RPS6KC1: variants seen among roughly 807,000 people sequenced by gnomAD.
RPS6KC1 encodes the protein inactive ribosomal protein S6 kinase delta-1.
In RPS6KC1, 54 loss-of-function variants were observed where a neutral mutation model predicts 103.8. That is an observed-to-expected ratio of 0.52 (90% CI 0.42 to 0.65). The LOEUF (loss-of-function observed/expected upper bound fraction) is 0.65, where lower values mean the gene tolerates loss of function less well. Ranked by LOEUF, RPS6KC1 falls within the 30% of genes least tolerant of loss-of-function variation. The pLI, the probability that RPS6KC1 is intolerant of heterozygous loss-of-function variation, is 0.00. For missense variants in RPS6KC1, 1,151 were observed against 1,253.8 expected, an observed-to-expected ratio of 0.92 and a Z score of 1.24; for synonymous variants, 439 against 438.7, an observed-to-expected ratio of 1.00 and a Z score of -0.01.
the RPS6KC1 span, among the ~76,000 whole-genome samples, chr1:213,734,515 GTGTGTGAGTGCA>G: frequency 3.9e-5 from 6 of 152,334 alleles, no homozygotes; most frequent in Admixed American, 3.9e-4. Flanking sequence ...TTTTCACTGA[GTGTGTGAGTGCA>G]TGTGTGAATG....
rs74872002 is a variant in RPS6KC1, at chr1:213,091,488, G to T, written c.263-12966G>T. Among the ~76,000 whole-genome samples the T allele has an allele frequency of 4.2e-3, 641 of 152,280 alleles. 1 individual carries two copies. Among genetic ancestry groups the T allele is most frequent in the African/African-American group, 0.015 (605 of 41,564 alleles). The stretch of plus-strand genomic sequence containing the variant: ...TCAGAACCCTGTAAATGAACCTTTT[G>T]TACTTTGTTACATTACAATCCGTTG... On this transcript the variant is annotated intron_variant, in intron 3 of 14. Coordinates refer to ENST00000366960, the MANE Select transcript of RPS6KC1 (RefSeq NM_012424.6).
intron 14 of RPS6KC1, among the ~76,000 whole-genome samples, chr1:213,269,206 A>G (rs997631450): frequency 2.0e-5 from 3 of 152,200 alleles, no homozygotes; most frequent in East Asian, 3.8e-4. Flanking sequence ...ATTAAGATAG[A>G]TTTACTAGGA....
chr1:213,759,806 C>A, the RPS6KC1 span, among the ~76,000 whole-genome samples: 4 of 152,190 alleles, frequency 2.6e-5, no homozygotes, highest in African/African-American at 9.7e-5. Context: ...TGTGAGTGGG[C>A]AAAATGCCAG....
Position 213,080,463 on chromosome 1 carries a change from T to C in RPS6KC1, c.262+2647T>C, listed in dbSNP as rs990740610. On this transcript the variant is annotated intron_variant, in intron 3 of 14. Transcript: ENST00000366960. ...ACTTAACATTTGAAATCTGTGCTTA[T>C]AGTTTAACATTTGTCAAAGGTGGTA... is the stretch of plus-strand genomic sequence containing the variant. Among the ~76,000 whole-genome samples, 7 of 152,362 alleles carry C rather than the reference T, an allele frequency of 4.6e-5. No homozygotes were observed. The South Asian group carries it at 1.2e-3, about 27-fold the overall frequency.
chr1:213,408,516 C>T, the RPS6KC1 span, among the ~76,000 whole-genome samples: 1 of 152,144 alleles, frequency 6.6e-6, no homozygotes, highest in African/African-American at 2.4e-5. Context: ...TTGGATGGAC[C>T]TCATCTAATC....
At chr1:213,553,900 T>G in the RPS6KC1 span, among the ~76,000 whole-genome samples, 6 of 152,200 alleles carry the variant, frequency 3.9e-5, no homozygotes, top group Admixed American at 3.9e-4. Context: ...CTTGTTGATT[T>G]AAATTCCTTA....
At chr1:213,651,040 G>A in the RPS6KC1 span, among the ~76,000 whole-genome samples, 1 of 151,882 alleles carries the variant, frequency 6.6e-6, no homozygotes, top group Non-Finnish European at 1.5e-5. Flanking sequence ...AAGCTGAATC[G>A]CCCTCCTAGG....
chr1:213,361,001 G>T, the RPS6KC1 span, among the ~76,000 whole-genome samples: 14,114 of 152,252 alleles, frequency 0.093, 901 homozygotes, highest in Non-Finnish European at 0.14. Flanking sequence ...GCTACTCAGG[G>T]GTCAGGGACC....
the RPS6KC1 span, among the ~76,000 whole-genome samples, chr1:213,379,916 G>T: frequency 0.03 from 4,541 of 152,194 alleles, 94 homozygotes; most frequent in Middle Eastern, 0.078. Context: ...AGATAGTGTG[G>T]CAATTCCTCA....
At chr1:213,576,880 G>C in the RPS6KC1 span, among the ~76,000 whole-genome samples, 10 of 152,302 alleles carry the variant, frequency 6.6e-5, no homozygotes, top group African/African-American at 2.4e-4. Context: ...AGAAGTTATT[G>C]AAGGAAATTG....
chr1:213,144,919 A>G (rs1322616280), intron 6 of RPS6KC1, among the ~76,000 whole-genome samples: 11 of 152,082 alleles, frequency 7.2e-5, no homozygotes, highest in Admixed American at 1.3e-4. Flanking sequence ...TACTAAAAAT[A>G]CAAAAATTAG....
chr1:213,732,621 C>T, the RPS6KC1 span, among the ~76,000 whole-genome samples: 1 of 152,160 alleles, frequency 6.6e-6, no homozygotes, highest in Admixed American at 6.5e-5. Flanking sequence ...CCTCCTCTTC[C>T]ATCCGGATCC....
At chr1:213,338,664 T>C in the RPS6KC1 span, among the ~76,000 whole-genome samples, 1 of 152,236 alleles carries the variant, frequency 6.6e-6, no homozygotes, top group Non-Finnish European at 1.5e-5. Context: ...AGATCTGGCA[T>C]CTATTTTCTC....
At chr1:213,767,124 C>T in the RPS6KC1 span, among the ~76,000 whole-genome samples, 1 of 152,174 alleles carries the variant, frequency 6.6e-6, no homozygotes, top group Admixed American at 6.5e-5. Flanking sequence ...ATTTATTTCT[C>T]TGCCGCCTTT....
chr1:213,199,642 G>A (rs1270250767), intron 8 of RPS6KC1, among the ~76,000 whole-genome samples: 1 of 152,182 alleles, frequency 6.6e-6, no homozygotes, highest in African/African-American at 2.4e-5. Context: ...GGAAGTCTTG[G>A]CCAGGGTAAT....
chr1:213,810,230 C>T, the RPS6KC1 span, among the ~76,000 whole-genome samples: 97 of 152,258 alleles, frequency 6.4e-4, no homozygotes, highest in Non-Finnish European at 6.2e-4. Context: ...AGGGTCTGAA[C>T]CAGCAAAGTA....
At chr1:213,312,661 T>C in the RPS6KC1 span, among the ~76,000 whole-genome samples, 4 of 152,308 alleles carry the variant, frequency 2.6e-5, no homozygotes, top group South Asian at 2.1e-4. Flanking sequence ...TCGGTCCTGA[T>C]TGAAAGATGA....
chr1:213,789,223 T>G, the RPS6KC1 span, among the ~76,000 whole-genome samples: 4 of 152,192 alleles, frequency 2.6e-5, no homozygotes. Context: ...AATTATGTCT[T>G]TCTTCTCTTC....
the RPS6KC1 span, among the ~76,000 whole-genome samples, chr1:213,826,373 G>T: frequency 6.6e-6 from 1 of 152,120 alleles, no homozygotes; most frequent in Non-Finnish European, 1.5e-5. Context: ...CTGCAAATGT[G>T]CATAGAATAT....
Sources: gnomAD v4.1 joint callset for allele counts (sites outside exome capture counted in the v4.1 genomes callset) on GRCh38, gnomAD v4.1.1 for gene constraint, MANE v1.5 for transcripts, NCBI Gene and HGNC (gene_info 2026-07-23, HGNC 2026-07-21) for gene names.